SEPTIN9: variants seen among roughly 807,000 people sequenced by gnomAD.
The protein encoded by SEPTIN9 is septin-9.
In SEPTIN9, 13 loss-of-function variants were observed where a neutral mutation model predicts 56.6. The observed-to-expected ratio is 0.23, with a 90% CI of 0.15 to 0.37. The LOEUF (loss-of-function observed/expected upper bound fraction) is 0.37. Among genes scored for constraint, SEPTIN9 ranks in the 10% least tolerant of loss-of-function variants. SEPTIN9 has a pLI of 1.00. For synonymous variants in SEPTIN9, 332 were observed against 334.1 expected, an observed-to-expected ratio of 0.99 and a Z score of 0.07; for missense variants, 650 against 823.1, an observed-to-expected ratio of 0.79 and a Z score of 2.57.
intron 2 of SEPTIN9, among the ~76,000 whole-genome samples, chr17:77,380,423 T>A (rs912343709): frequency 6.6e-6 from 1 of 151,898 alleles, no homozygotes. Context: ...AATTTCTGAA[T>A]ATCCCCCTAC....
intron 2 of SEPTIN9, among the ~76,000 whole-genome samples, chr17:77,379,957 A>G (rs748322028): frequency 2.6e-5 from 4 of 152,000 alleles, no homozygotes; most frequent in Non-Finnish European, 4.4e-5. Context: ...TGAGTTGCTT[A>G]TGAGACCAAA....
At chr17:77,414,984 G>T (rs893348887) in intron 3 of SEPTIN9, among the ~76,000 whole-genome samples, 2 of 152,232 alleles carry the variant, frequency 1.3e-5, no homozygotes, top group African/African-American at 4.8e-5. Flanking sequence ...GCAGGTGCCA[G>T]TGCGTCCCTG....
chr17:77,489,015 C>A, intron 7 of SEPTIN9, 151 bp downstream of exon 7: 2 of 969,898 alleles, frequency 2.1e-6, no homozygotes, highest in Non-Finnish European at 1.5e-6. Flanking sequence ...TGGGGGTGTG[C>A]CATGTCTGCA....
Position 77,329,236 on chromosome 17 carries a change from C to T in SEPTIN9, c.76+22039C>T, listed in dbSNP as rs73371430. ...GCTAGGGAGGAGGCTGCTGCAGGCC[C>T]TGCAGCTGGAGAGGGAGGATCAGGA... On this transcript the variant is annotated intron_variant, in intron 2 of 11. Transcript: ENST00000427177. This position sits in a 1 kb window ranked among gnomAD's most constrained non-coding sequence, Gnocchi z 4.3. Among the ~76,000 whole-genome samples, 4,944 of 152,280 alleles carry T rather than the reference C, an allele frequency of 0.032. 244 individuals are homozygous for T. Among genetic ancestry groups the T allele is most frequent in the East Asian group, 0.24 (1,220 of 5,166 alleles).
chr17:77,479,848 G>A (rs1282228412), intron 3 of SEPTIN9, among the ~76,000 whole-genome samples: 2 of 152,174 alleles, frequency 1.3e-5, no homozygotes, highest in Non-Finnish European at 2.9e-5. Context: ...CAGGCAGATG[G>A]AAGCGATTTT....
At chr17:77,416,991 C>G (rs759371642) in intron 3 of SEPTIN9, among the ~76,000 whole-genome samples, 1 of 152,194 alleles carries the variant, frequency 6.6e-6, no homozygotes, top group Non-Finnish European at 1.5e-5. Context: ...CCAGCCTTCT[C>G]GAGGAGTTAC....
chr17:77,317,456 T>G lies in SEPTIN9; in HGVS notation c.76+10259T>G, dbSNP rs1401618154. Among the ~76,000 whole-genome samples the G allele has an allele frequency of 6.6e-6, 1 of 152,188 alleles. No homozygotes were observed. The highest frequency in any genetic ancestry group is 2.4e-5 in the African/African-American group (1 of 41,446). On this transcript the variant is annotated intron_variant, in intron 2 of 11. Transcript: ENST00000427177. This position sits in a 1 kb window ranked among gnomAD's most constrained non-coding sequence, Gnocchi z 4.2. Reference sequence around the variant, plus strand: ...CTGTCTGATCAGCCATGGCATTGGATTCTTATAGGAGAGTGAACCGTATTG... The same window carrying G: ...CTGTCTGATCAGCCATGGCATTGGAGTCTTATAGGAGAGTGAACCGTATTG...
chr17:77,484,713 G>GGGTGGTGGTGGTGATTGTGATGGTGGT, intron 4 of SEPTIN9, among the ~76,000 whole-genome samples: 1 of 61,564 alleles, frequency 1.6e-5, no homozygotes, highest in South Asian at 6.2e-4. Flanking sequence ...GTGGTGATGT[G>GGGTGGTGGTGGTGATTGTGATGGTGGT]GGTGGTGGTG....
At chr17:77,454,692 C>A (rs190528330) in intron 3 of SEPTIN9, among the ~76,000 whole-genome samples, 7 of 152,332 alleles carry the variant, frequency 4.6e-5, no homozygotes, top group African/African-American at 1.7e-4. Context: ...AACTCGCCGC[C>A]GCTCAGCCTC....
chr17:77,482,728 G>C (rs2039510635), intron 4 of SEPTIN9: 3 of 545,338 alleles, frequency 5.5e-6, no homozygotes, highest in South Asian at 4.3e-5. Context: ...ACCGCACCCC[G>C]GCCAGAGGCT....
In SEPTIN9 at chr17:77,415,517, G is replaced by C. The variant is rs778607167; in HGVS notation, c.721+12814G>C. Reference sequence around the variant, plus strand: ...AGCTACTCGGTAGGCTGAGGCAGGAGAATCTGCTTGATTCCAGGAGGCAGA... The same window carrying C: ...AGCTACTCGGTAGGCTGAGGCAGGACAATCTGCTTGATTCCAGGAGGCAGA... On this transcript the variant is annotated intron_variant, in intron 3 of 11. Coordinates refer to ENST00000427177, the MANE Select transcript of SEPTIN9 (RefSeq NM_001113491.2). 8.0e-4 allele frequency among the ~76,000 whole-genome samples: 122 copies of C among 151,572 alleles called. 1 individual carries two copies. Among genetic ancestry groups the C allele is most frequent in the Non-Finnish European group, 1.3e-3 (85 of 67,958 alleles).
rs983969746 is a variant in SEPTIN9 at position 77,467,270 on chromosome 17, C to T, written c.722-14874C>T. ...CCTCTAAGGGGCCCCCCTGCCTCAG[C>T]GTGGGGAGTGGCCTGGCCAAGGTCT... On this transcript the variant is annotated intron_variant, in intron 3 of 11. Transcript: ENST00000427177. Among the ~76,000 whole-genome samples the T allele has an allele frequency of 2.6e-5, 4 of 152,210 alleles. No individual in the cohort carries two copies. The East Asian group carries it at 5.8e-4, about 22-fold the overall frequency.
At chr17:77,430,232 C>T (rs375275993) in intron 3 of SEPTIN9, among the ~76,000 whole-genome samples, 17 of 152,106 alleles carry the variant, frequency 1.1e-4, no homozygotes, top group East Asian at 1.9e-4. Flanking sequence ...TTTCTCTGCC[C>T]GAGCCGTGAC....
chr17:77,297,174 C>T (rs1034579173), intron 1 of SEPTIN9, among the ~76,000 whole-genome samples: 1 of 152,112 alleles, frequency 6.6e-6, no homozygotes, highest in Non-Finnish European at 1.5e-5. Flanking sequence ...AAGCCAGTAT[C>T]GTGGCTCAGT....
rs1446659836 is a variant in SEPTIN9 at position 77,402,462 on chromosome 17, A to T, written c.480A>T (p.Ser160=). The T allele has an allele frequency of 3.7e-6, 6 of 1,609,272 alleles. No homozygotes were observed. The highest frequency in any genetic ancestry group is 5.1e-6 in the Non-Finnish European group (6 of 1,178,202). Residue 160 remains serine, a synonymous_variant, in exon 3 of 12, where the codon TCA becomes TCT. Coordinates refer to ENST00000427177, the MANE Select transcript of SEPTIN9 (RefSeq NM_001113491.2). This position sits in a 1 kb window ranked among gnomAD's most constrained non-coding sequence, Gnocchi z 6.6. ...TCACCATCGTCAAACCCCAGGAGTCAGCCCACCGGAGGATGGAGCCCCCTG... is the reference window on the plus strand; with the variant it reads ...TCACCATCGTCAAACCCCAGGAGTCTGCCCACCGGAGGATGGAGCCCCCTG... The part of the protein sequence containing the change: ...TEITIVKPQE[S]AHRRMEPPAS...
chr17:77,363,570 T>A (rs747466888), intron 2 of SEPTIN9, among the ~76,000 whole-genome samples: 3 of 151,912 alleles, frequency 2.0e-5, no homozygotes, highest in Non-Finnish European at 4.4e-5. Flanking sequence ...GTATTTTTAG[T>A]AGAGATGGTG....
At position 77,313,027 on chromosome 17, in the gene SEPTIN9, C is replaced by A. The variant is rs1162573497; in HGVS notation, c.76+5830C>A. On this transcript the variant is annotated intron_variant, in intron 2 of 11. Transcript: ENST00000427177. This position sits in a 1 kb window ranked among gnomAD's most constrained non-coding sequence, Gnocchi z 4.5. ...TTAGATCATCTTCACGTTGGATCCACAAATTCATTGTTTATCCAGTGAACG... is the reference window on the plus strand; with the variant it reads ...TTAGATCATCTTCACGTTGGATCCAAAAATTCATTGTTTATCCAGTGAACG... 1.3e-5 allele frequency among the ~76,000 whole-genome samples: 2 copies of A among 152,074 alleles called. No individual in the cohort carries two copies.
Position 77,485,021 on chromosome 17 carries a change from GTGA to G in SEPTIN9, c.914-2400_914-2398del, listed in dbSNP as rs369075609. Among the ~76,000 whole-genome samples, 103 of 91,344 alleles carry G rather than the reference GTGA, an allele frequency of 1.1e-3. 1 individual carries two copies. The highest frequency in any genetic ancestry group is 1.9e-3 in the South Asian group (5 of 2,574). 59.9% of individuals were successfully genotyped at this position (91,344 alleles called of 152,430 possible). On this transcript the variant is annotated intron_variant, in intron 4 of 11. Transcript: ENST00000427177. ...GGTGAAGGGGGTGATGGTGGTGATT[GTGA>G]TGGTGGTGAAGGGGGTGATGGTGGT...
rs147036769 is a variant in SEPTIN9, at chr17:77,326,054, C to T, written c.76+18857C>T. 2.3e-3 allele frequency among the ~76,000 whole-genome samples: 348 copies of T among 152,282 alleles called. 1 individual carries two copies. Among genetic ancestry groups the T allele is most frequent in the African/African-American group, 8.1e-3 (336 of 41,534 alleles). ...GGTTGGCTTGTCACCCCTGGAAGCA[C>T]TTGCCATCCTTATACAGCACCCCAC... is the stretch of plus-strand genomic sequence containing the variant. On this transcript the variant is annotated intron_variant, in intron 2 of 11. Coordinates refer to ENST00000427177, the MANE Select transcript of SEPTIN9 (RefSeq NM_001113491.2). This position sits in a 1 kb window ranked among gnomAD's most constrained non-coding sequence, Gnocchi z 5.1.
Sources: gnomAD v4.1 joint callset for allele counts (sites outside exome capture counted in the v4.1 genomes callset) on GRCh38, gnomAD v4.1.1 for gene constraint, Gnocchi (gnomAD v3.1) non-coding constraint, MANE v1.5 for transcripts, NCBI Gene and HGNC (gene_info 2026-07-23, HGNC 2026-07-21) for gene names.